The following GRAMD1A variants were observed in gnomAD, a reference collection of about 807,000 sequenced individuals.
GRAMD1A encodes the protein protein Aster-A.
A neutral mutation model predicts 92.0 loss-of-function variants in GRAMD1A; 50 were observed. The observed-to-expected ratio is 0.54, with a 90% CI of 0.43 to 0.69. GRAMD1A has a LOEUF of 0.69. Ranked by LOEUF, GRAMD1A falls within the 30% of genes least tolerant of loss-of-function variation. GRAMD1A has a pLI of 0.00. For missense variants in GRAMD1A, 819 were observed against 978.9 expected (o/e 0.84, Z 2.18); for synonymous variants, 405 against 403.6 (o/e 1.00, Z -0.04).
At position 35,021,533 on chromosome 19, in the gene GRAMD1A, C is replaced by T; in HGVS notation, c.1507C>T (p.Pro503Ser). The T allele has an allele frequency of 6.2e-7, 1 of 1,614,030 alleles. No homozygotes were observed. The change falls in exon 14 of 20, where the codon CCG (proline) becomes TCG (serine). Residue 503 changes from proline (P) to serine (S), a missense_variant. Physicochemically the swap from Pro to Ser is moderately conservative, Grantham distance 74. This residue lies in a region of GRAMD1A where 577 missense variants were observed against 674.6 expected (regional missense o/e 0.86). Coordinates refer to ENST00000317991, the MANE Select transcript of GRAMD1A (RefSeq NM_020895.5). This position sits in a 1 kb window ranked among gnomAD's most constrained non-coding sequence, Gnocchi z 5.3. Reference protein sequence around the residue: ...VSSEIRYRKQPWSLVKSLIEK... With the variant: ...VSSEIRYRKQSWSLVKSLIEK... The stretch of plus-strand genomic sequence containing the variant: ...TTCTGAGATCCGCTACCGAAAGCAG[C>T]CGTGGAGCCTGGTGAAGTCGCTCAT...
chr19:35,016,923 G>C (rs1219091784), intron 11 of GRAMD1A, among the ~76,000 whole-genome samples: 1 of 130,288 alleles, frequency 7.7e-6, no homozygotes, highest in Non-Finnish European at 1.7e-5. Context: ...AAAAAAAAAA[G>C]GTGGGAGGAG....
upstream of GRAMD1A, chr19:34,996,274 G>T (rs2014034010): frequency 6.5e-7 from 1 of 1,531,840 alleles, no homozygotes; most frequent in Admixed American, 2.0e-5. Flanking sequence ...CAGACCCGCA[G>T]AGTCTGTCCC....
chr19:34,999,530 G>A (rs905585388), upstream of GRAMD1A: 3 of 152,114 alleles, frequency 2.0e-5, no homozygotes, highest in Non-Finnish European at 4.4e-5. Flanking sequence ...GGGGACGCAG[G>A]TTATGGCGTC....
chr19:35,012,695 C>T (rs1279426028), intron 7 of GRAMD1A, among the ~76,000 whole-genome samples: 2 of 152,238 alleles, frequency 1.3e-5, no homozygotes, highest in Non-Finnish European at 2.9e-5. Context: ...TGGCTGGGCA[C>T]GGTGGCTCAT....
At chr19:34,996,134 A>G (rs919718170), upstream of GRAMD1A, 31 of 1,535,972 alleles carry the variant, frequency 2.0e-5, no homozygotes, top group Non-Finnish European at 2.5e-5. Flanking sequence ...ACAGGGTGAC[A>G]GGGCCCAGGG....
chr19:35,013,775 A>G lies in GRAMD1A; in HGVS notation c.870+84A>G. 7.3e-7 allele frequency: 1 copy of G among 1,378,030 alleles called. No homozygotes were observed. Among genetic ancestry groups the G allele is most frequent in the Non-Finnish European group, 1.0e-6 (1 of 994,956 alleles). 85.4% of individuals were successfully genotyped at this position (1,378,030 alleles called of 1,614,324 possible). On this transcript the variant is annotated intron_variant, in intron 9 of 19. Coordinates refer to ENST00000317991, the MANE Select transcript of GRAMD1A (RefSeq NM_020895.5). The surrounding 1 kb of genome is among the most constrained non-coding windows in gnomAD (Gnocchi z 4.9). Reference sequence around the variant, plus strand: ...GGTGCAGTGGGAGAAGAACAGCCTGACAGATTTGGAGGGGAATGGATAGGG... The same window carrying G: ...GGTGCAGTGGGAGAAGAACAGCCTGGCAGATTTGGAGGGGAATGGATAGGG...
At chr19:35,001,614 T>A (rs1211256657) in intron 1 of GRAMD1A, among the ~76,000 whole-genome samples, 1 of 152,106 alleles carries the variant, frequency 6.6e-6, no homozygotes, top group Non-Finnish European at 1.5e-5. Context: ...CTTCTTTTTT[T>A]TTTTTTCTTT....
Position 35,014,082 on chromosome 19 carries a change from C to T in GRAMD1A, c.871-107C>T, listed in dbSNP as rs2015446802. 2.8e-6 allele frequency: 3 copies of T among 1,076,810 alleles called. No individual in the cohort carries two copies. The East Asian group carries it at 7.5e-5, about 27-fold the overall frequency. The allele number at this position is 1,076,810 out of a possible 1,614,324, so 66.7% of individuals were successfully genotyped here. A position where few individuals can be genotyped will look rare whatever the true frequency, so the allele number is the denominator to read the frequency against. ...CAGCCGTGAGCCCTCGGTGCACACACCACCCCGGGTCTGCACAGGCTCTGG... is the reference window on the plus strand; with the variant it reads ...CAGCCGTGAGCCCTCGGTGCACACATCACCCCGGGTCTGCACAGGCTCTGG... On this transcript the variant is annotated intron_variant, in intron 9 of 19. Transcript: ENST00000317991.
rs890664494 is a variant in GRAMD1A at position 35,021,629 on chromosome 19, G to A, written c.1579+24G>A. ...GGGTAGGGACAGAAGGCCGGCTGGG[G>A]CGTGGGTTGGGGGATGGCCTGGCCA... On this transcript the variant is annotated intron_variant, in intron 14 of 19. Coordinates refer to ENST00000317991, the MANE Select transcript of GRAMD1A (RefSeq NM_020895.5). This position sits in a 1 kb window ranked among gnomAD's most constrained non-coding sequence, Gnocchi z 5.3. The A allele has an allele frequency of 6.2e-7, 1 of 1,613,374 alleles. No individual in the cohort carries two copies. Among genetic ancestry groups the A allele is most frequent in the Non-Finnish European group, 8.5e-7 (1 of 1,179,278 alleles).
rs757845825 is a variant in GRAMD1A at position 35,013,584 on chromosome 19, A to G, written c.763A>G (p.Thr255Ala). 1 of 1,612,746 alleles carries G rather than the reference A, an allele frequency of 6.2e-7. No individual in the cohort carries two copies. The highest frequency in any genetic ancestry group is 1.7e-5 in the Admixed American group (1 of 59,924). ...AGATGTGATCGCCCTGAGCGACATC[A>G]CCTCCTCGGGGGCAGCTGACCGCAG... ...VGDVIALSDITSSGAADRSQE... is the reference protein window; with the variant it reads ...VGDVIALSDIASSGAADRSQE... Residue 255 changes from threonine (T) to alanine (A), a missense_variant, in exon 9 of 20, where the codon ACC (threonine) becomes GCC (alanine). Physicochemically the swap from Thr to Ala is moderately conservative, Grantham distance 58 (BLOSUM62 0). Transcript: ENST00000317991. This position sits in a 1 kb window ranked among gnomAD's most constrained non-coding sequence, Gnocchi z 4.9.
chr19:35,022,725 G>T (rs2016154707), intron 16 of GRAMD1A, among the ~76,000 whole-genome samples, 175 bp from the exon 17 acceptor site: 1 of 152,212 alleles, frequency 6.6e-6, no homozygotes, highest in Non-Finnish European at 1.5e-5. Context: ...ACCCTGCGAG[G>T]TGAGGGTCAG....
At position 35,013,268 on chromosome 19, in the gene GRAMD1A, C is replaced by G; in HGVS notation, c.619C>G (p.Arg207Gly). 6.5e-7 allele frequency: 1 copy of G among 1,542,272 alleles called. No homozygotes were observed. Among genetic ancestry groups the G allele is most frequent in the Non-Finnish European group, 8.8e-7 (1 of 1,140,278 alleles). The stretch of plus-strand genomic sequence containing the variant: ...CCCGCCTCCCCAGACGCTGAGTCCC[C>G]GCGAGCTCTGGCACCTGGTGCATCA... The part of the protein sequence containing the change: ...NALLEKTLSP[R>G]ELWHLVHQCY... Residue 207 changes from arginine to glycine, a missense_variant, in exon 8 of 20, where the codon CGC becomes GGC. Transcript: ENST00000317991. This position sits in a 1 kb window ranked among gnomAD's most constrained non-coding sequence, Gnocchi z 4.9.
At chr19:34,995,960 G>C (rs1487799170), upstream of GRAMD1A, 1 of 1,388,114 alleles carries the variant, frequency 7.2e-7, no homozygotes, top group African/African-American at 1.4e-5. Context: ...TTAAGCGGGA[G>C]CTCTATCCCT....
intron 6 of GRAMD1A, 108 bp from the exon 7 acceptor site, chr19:35,011,366 A>T: frequency 1.2e-6 from 1 of 833,074 alleles, no homozygotes; most frequent in South Asian, 1.3e-5. Flanking sequence ...TAGTGGATTC[A>T]TGGGGCCAAA....
At chr19:35,011,333 G>A in intron 6 of GRAMD1A, 141 bp from the exon 7 acceptor site, 1 of 760,194 alleles carries the variant, frequency 1.3e-6, no homozygotes, top group Non-Finnish European at 2.4e-6. Flanking sequence ...CAGACGTTTT[G>A]TGGAACTAAT....
rs747610260 is a variant in GRAMD1A at position 35,013,496 on chromosome 19, G to T, written c.720-45G>T. 2.2e-5 allele frequency: 34 copies of T among 1,577,418 alleles called. No homozygotes were observed. In the Admixed American group the frequency reaches 5.6e-4, roughly 26 times the overall value. ...TCTGGAGGATTCAGGAGGGTGTATG[G>T]GGTCTCAAGGACACAGCAGTCCCGC... On this transcript the variant is annotated intron_variant, in intron 8 of 19. Transcript: ENST00000317991. The surrounding 1 kb of genome is among the most constrained non-coding windows in gnomAD (Gnocchi z 4.9).
At chr19:34,996,050 T>C (rs1453070742), upstream of GRAMD1A, 13 of 1,535,598 alleles carry the variant, frequency 8.5e-6, no homozygotes, top group Non-Finnish European at 1.1e-5. Flanking sequence ...CCTGATGCCT[T>C]GGGAGACCCT....
At chr19:35,009,486 C>A in intron 3 of GRAMD1A, 43 bp downstream of exon 3, 1 of 1,608,192 alleles carries the variant, frequency 6.2e-7, no homozygotes, top group Non-Finnish European at 8.5e-7. Context: ...CTGGGAGGAC[C>A]GGGTGCTGGG....
At position 35,012,975 on chromosome 19, in the gene GRAMD1A, C is replaced by CA. The variant is rs1339555546; in HGVS notation, c.607-275dup. 23 of 384,880 alleles carry CA rather than the reference C, an allele frequency of 6.0e-5. No homozygotes were observed. The East Asian group carries it at 9.3e-4, about 16-fold the overall frequency. 23.8% of individuals were successfully genotyped at this position (384,880 alleles called of 1,614,324 possible). On this transcript the variant is annotated intron_variant, in intron 7 of 19. Coordinates refer to ENST00000317991, the MANE Select transcript of GRAMD1A (RefSeq NM_020895.5). The stretch of plus-strand genomic sequence containing the variant: ...GAGCGACAGAGCCAGACTCCATCTC[C>CA]AAAAAACAAACAAAAAAAGATATAA...
Sources: gnomAD v4.1 joint callset for allele counts (sites outside exome capture counted in the v4.1 genomes callset) on GRCh38, gnomAD v4.1.1 for gene constraint, gnomAD v4.1.1 regional missense constraint, Gnocchi (gnomAD v3.1) non-coding constraint, MANE v1.5 for transcripts, NCBI Gene and HGNC (gene_info 2026-07-23, HGNC 2026-07-21) for gene names.